Variants in WNK3 observed in about 807,000 individuals in gnomAD.
WNK3 encodes serine/threonine-protein kinase WNK3.
A neutral mutation model predicts 116.7 loss-of-function variants in WNK3; 18 were observed. That is an observed-to-expected ratio of 0.15 (90% confidence interval 0.11 to 0.23). The LOEUF (loss-of-function observed/expected upper bound fraction) is 0.23. Among genes scored for constraint, WNK3 ranks in the 10% least tolerant of loss-of-function variants. WNK3 has a pLI of 1.00. For synonymous variants in WNK3, 404 were observed against 469.4 expected (o/e 0.86, Z 1.80); for missense variants, 993 against 1,323.8 (o/e 0.75, Z 3.88).
chrX:54,292,565 G>C (rs2147107212), intron 10 of WNK3, among the ~76,000 whole-genome samples: 1 of 109,657 alleles, frequency 9.1e-6, no homozygotes, highest in South Asian at 4.0e-4. Flanking sequence ...AATTAGCGGG[G>C]CATGGTGGCA....
chrX:54,229,746 A>G (rs1331278281), intron 21 of WNK3, among the ~76,000 whole-genome samples: 9 of 111,234 alleles, frequency 8.1e-5, no homozygotes, highest in African/African-American at 2.9e-4. Flanking sequence ...TTGATTTTTC[A>G]AAAAGGTACA....
intron 1 of WNK3, among the ~76,000 whole-genome samples, chrX:54,347,472 C>T (rs782200692): frequency 1.8e-5 from 2 of 109,507 alleles, no homozygotes; most frequent in Non-Finnish European, 3.8e-5. Context: ...GGCAACAGAG[C>T]GAGACTCCAT....
Position 54,250,162 on chromosome X carries a change from C to T in WNK3, c.2576-31G>A, listed in dbSNP as rs782469860. On this transcript the variant is annotated intron_variant, in intron 15 of 23. Coordinates refer to ENST00000354646, the Ensembl canonical transcript of WNK3. Reference sequence around the variant, plus strand: ...GAAATAATTAGCAAAAAATAATATGCTAAGCTATTTTCAATTTATTTACCT... The same window carrying T: ...GAAATAATTAGCAAAAAATAATATGTTAAGCTATTTTCAATTTATTTACCT... 14 of 1,138,475 alleles carry T rather than the reference C, an allele frequency of 1.2e-5. No individual in the cohort carries two copies. In the East Asian group the frequency reaches 3.9e-4, roughly 31 times the overall value. 93.8% of individuals were successfully genotyped at this position (1,138,475 alleles called of 1,213,427 possible).
exon 24 of WNK3, chrX:54,198,028 C>A: frequency 5.4e-6 from 1 of 184,458 alleles, no homozygotes; most frequent in Non-Finnish European, 9.9e-6. Context: ...AATGGTAATG[C>A]TCAAGCTGAG....
At chrX:54,279,896 G>A (rs2068494933) in intron 10 of WNK3, among the ~76,000 whole-genome samples, 1 of 112,207 alleles carries the variant, frequency 8.9e-6, no homozygotes, top group African/African-American at 3.2e-5. Flanking sequence ...CATACTTAAT[G>A]GTGAAAGACT....
intron 4 of WNK3, among the ~76,000 whole-genome samples, chrX:54,308,384 G>A (rs947482120): frequency 1.8e-5 from 2 of 109,514 alleles, no homozygotes; most frequent in Non-Finnish European, 3.8e-5. Context: ...TAGAGACGGG[G>A]TTTCACCATG....
At chrX:54,301,894 G>T in intron 5 of WNK3, 35 bp from the exon 6 acceptor site, 1 of 985,921 alleles carries the variant, frequency 1.0e-6, no homozygotes, top group Non-Finnish European at 1.4e-6. Flanking sequence ...TAACAATGAT[G>T]CAATTGAAAG....
intron 21 of WNK3, among the ~76,000 whole-genome samples, chrX:54,230,006 A>T (rs782169812): frequency 4.5e-5 from 5 of 111,862 alleles, no homozygotes; most frequent in African/African-American, 6.5e-5. Flanking sequence ...TTTTAAAAAA[A>T]ATTTGATAAA....
At chrX:54,262,738 C>T (rs2068268742) in intron 10 of WNK3, among the ~76,000 whole-genome samples, 1 of 109,352 alleles carries the variant, frequency 9.1e-6, no homozygotes, top group Admixed American at 9.9e-5. Context: ...TTGAGACCAG[C>T]CTGACCAATA....
intron 20 of WNK3, among the ~76,000 whole-genome samples, chrX:54,233,523 T>C (rs1488038584): frequency 2.8e-5 from 3 of 106,899 alleles, no homozygotes; most frequent in Non-Finnish European, 5.8e-5. Flanking sequence ...AAATACAGAG[T>C]ATTTTCACAA....
chrX:54,221,351 C>A (rs1557146458), intron 22 of WNK3, among the ~76,000 whole-genome samples: 1 of 111,988 alleles, frequency 8.9e-6, no homozygotes, highest in African/African-American at 3.2e-5. Flanking sequence ...ACTTTTCCTA[C>A]CTGATTTCAA....
At chrX:54,205,818 TTAAAA>T (rs1479618774) in intron 22 of WNK3, among the ~76,000 whole-genome samples, 3 of 112,046 alleles carry the variant, frequency 2.7e-5, no homozygotes, top group African/African-American at 6.5e-5. Context: ...TCAATGCACA[TTAAAA>T]TAAGTACTAT....
chrX:54,353,287 T>C (rs1402879513), intron 1 of WNK3, among the ~76,000 whole-genome samples: 1 of 110,655 alleles, frequency 9.0e-6, no homozygotes, highest in Non-Finnish European at 1.9e-5. Flanking sequence ...GGAGAAACCC[T>C]GTCTCTACTA....
At chrX:54,311,957 C>T (rs1014204161) in intron 2 of WNK3, among the ~76,000 whole-genome samples, 6 of 110,933 alleles carry the variant, frequency 5.4e-5, no homozygotes, top group Non-Finnish European at 5.7e-5. Flanking sequence ...CAGTACACCA[C>T]CCCATACACC....
intron 22 of WNK3, among the ~76,000 whole-genome samples, chrX:54,224,816 A>G (rs907245285): frequency 1.8e-5 from 2 of 110,427 alleles, no homozygotes; most frequent in African/African-American, 6.6e-5. Context: ...TGATCCGCCC[A>G]CCTCGGCCTC....
chrX:54,278,896 C>T (rs1282929513), intron 10 of WNK3, among the ~76,000 whole-genome samples: 1 of 110,803 alleles, frequency 9.0e-6, no homozygotes, highest in Non-Finnish European at 1.9e-5. Flanking sequence ...GGTGAAACCA[C>T]GTCTCTACTA....
In WNK3 at chrX:54,346,117, C is replaced by T. The variant is rs1400568556; in HGVS notation, c.-120+11569G>A. ...AATGATATATATATATACACACACA[C>T]ATATGTGTGTGTATATATATATATA... On this transcript the variant is annotated intron_variant, in intron 1 of 23. Coordinates refer to ENST00000354646, the Ensembl canonical transcript of WNK3. Among the ~76,000 whole-genome samples, 6 of 14,151 alleles carry T rather than the reference C, an allele frequency of 4.2e-4. No homozygotes were observed. In the East Asian group the frequency reaches 0.011, roughly 26 times the overall value. 12.3% of individuals were successfully genotyped at this position (14,151 alleles called of 115,157 possible). A position where few individuals can be genotyped will look rare whatever the true frequency, so the allele number is the denominator to read the frequency against.
intron 22 of WNK3, among the ~76,000 whole-genome samples, chrX:54,204,291 G>A (rs2067530353): frequency 9.1e-6 from 1 of 110,034 alleles, no homozygotes; most frequent in South Asian, 4.0e-4. Context: ...GCTAATTTTT[G>A]TATTTTTGGT....
chrX:54,246,356 GA>G (rs1158903232), intron 17 of WNK3, among the ~76,000 whole-genome samples: 5 of 99,993 alleles, frequency 5.0e-5, no homozygotes, highest in East Asian at 3.1e-4. Flanking sequence ...AATTTAAAAA[GA>G]AAAAAAAAAC....
Sources: gnomAD v4.1 joint callset for allele counts (sites outside exome capture counted in the v4.1 genomes callset) on GRCh38, gnomAD v4.1.1 for gene constraint, MANE v1.5 for transcripts, NCBI Gene and HGNC (gene_info 2026-07-23, HGNC 2026-07-21) for gene names.